Variants in NLGN1 observed in about 807,000 individuals in gnomAD.
The protein encoded by NLGN1 is neuroligin-1.
In NLGN1, 12 loss-of-function variants were observed where a neutral mutation model predicts 65.5. The observed-to-expected ratio is 0.18, with a 90% CI of 0.12 to 0.30. The LOEUF is 0.30. Ranked by LOEUF, NLGN1 falls within the 10% of genes least tolerant of loss-of-function variation. The pLI is 1.00. For missense variants in NLGN1, 750 were observed against 1,007.1 expected (o/e 0.74, Z 3.46); for synonymous variants, 350 against 359.5 (o/e 0.97, Z 0.30).
intron 4 of NLGN1, among the ~76,000 whole-genome samples, chr3:173,835,644 A>G (rs1723502828): frequency 6.6e-6 from 1 of 151,014 alleles, no homozygotes; most frequent in Non-Finnish European, 1.5e-5. Context: ...TTTATCTCCA[A>G]GAAGATTTAA....
At chr3:173,581,554 A>AT (rs1409499436) in intron 2 of NLGN1, among the ~76,000 whole-genome samples, 8 of 151,972 alleles carry the variant, frequency 5.3e-5, no homozygotes, top group Admixed American at 1.3e-4. Flanking sequence ...TTACATATAT[A>AT]TTTTTTTCAA....
chr3:173,712,259 A>G (rs1475999193), intron 3 of NLGN1, among the ~76,000 whole-genome samples: 1 of 152,150 alleles, frequency 6.6e-6, no homozygotes, highest in African/African-American at 2.4e-5. Context: ...GGATTTCCAG[A>G]TAAGGATACC....
At chr3:173,621,681 G>A (rs913594063) in intron 3 of NLGN1, among the ~76,000 whole-genome samples, 1 of 152,070 alleles carries the variant, frequency 6.6e-6, no homozygotes, top group African/African-American at 2.4e-5. Context: ...AAATTTGAGA[G>A]ACATTTCAAA....
intron 3 of NLGN1, among the ~76,000 whole-genome samples, chr3:173,776,843 T>C (rs1462099585): frequency 6.6e-6 from 1 of 151,976 alleles, no homozygotes; most frequent in African/African-American, 2.4e-5. Context: ...TGGAAAAGCA[T>C]GTTCAAGTAG....
chr3:173,464,374 T>C (rs556873795), intron 2 of NLGN1, among the ~76,000 whole-genome samples: 47 of 152,156 alleles, frequency 3.1e-4, no homozygotes, highest in African/African-American at 1.1e-3. Flanking sequence ...TCTTAATATT[T>C]ACCACTATTT....
At chr3:174,147,104 C>T (rs761014982) in intron 4 of NLGN1, among the ~76,000 whole-genome samples, 23 of 152,100 alleles carry the variant, frequency 1.5e-4, no homozygotes, top group Non-Finnish European at 2.9e-4. Context: ...ATTGGCCTCC[C>T]CCGTCATCCC....
Position 173,972,234 on chromosome 3 carries a change from C to G in NLGN1, c.646+164402C>G, listed in dbSNP as rs556929951. Among the ~76,000 whole-genome samples the G allele has an allele frequency of 1.8e-4, 27 of 152,172 alleles. 1 individual carries two copies. In the Middle Eastern group the frequency reaches 0.014, roughly 77 times the overall value. Reference sequence around the variant, plus strand: ...AGGCAGGAAACCTGCCTGCCTGCAGCGGGAGAAGCTTCAGCTTGGAGAAGA... The same window carrying G: ...AGGCAGGAAACCTGCCTGCCTGCAGGGGGAGAAGCTTCAGCTTGGAGAAGA... On this transcript the variant is annotated intron_variant, in intron 4 of 6. Coordinates refer to ENST00000457714, the Ensembl canonical transcript of NLGN1.
At chr3:173,924,987 G>A (rs1046760246) in intron 4 of NLGN1, among the ~76,000 whole-genome samples, 5 of 151,870 alleles carry the variant, frequency 3.3e-5, no homozygotes, top group African/African-American at 1.2e-4. Flanking sequence ...TGAGTTTTTT[G>A]GTTTTGCCTA....
At chr3:173,546,689 C>A (rs1739906733) in intron 2 of NLGN1, among the ~76,000 whole-genome samples, 1 of 152,090 alleles carries the variant, frequency 6.6e-6, no homozygotes, top group South Asian at 2.1e-4. Flanking sequence ...GGCAGCTGGG[C>A]TGCGCTATTA....
chr3:174,260,323 T>C (rs1746641855), intron 4 of NLGN1, among the ~76,000 whole-genome samples: 1 of 149,146 alleles, frequency 6.7e-6, no homozygotes, highest in African/African-American at 2.5e-5. Flanking sequence ...TGTTCCTATT[T>C]CTCCACATCC....
chr3:173,472,851 AG>A (rs2148933352), intron 2 of NLGN1, among the ~76,000 whole-genome samples: 1 of 152,230 alleles, frequency 6.6e-6, no homozygotes, highest in Non-Finnish European at 1.5e-5. Context: ...CTCAACCCTG[AG>A]TGTTTGACCC....
At chr3:173,830,996 G>C (rs1016352830) in intron 4 of NLGN1, among the ~76,000 whole-genome samples, 1 of 152,110 alleles carries the variant, frequency 6.6e-6, no homozygotes, top group South Asian at 2.1e-4. Flanking sequence ...TAGGGAGATC[G>C]CTTCAGATTT....
chr3:173,845,006 G>A (rs956810986), intron 4 of NLGN1, among the ~76,000 whole-genome samples: 1 of 152,192 alleles, frequency 6.6e-6, no homozygotes, highest in Admixed American at 6.5e-5. Flanking sequence ...AGTATCTCTA[G>A]GGAGGAAATT....
intron 2 of NLGN1, among the ~76,000 whole-genome samples, chr3:173,523,451 C>G (rs1460148002): frequency 3.3e-5 from 5 of 151,570 alleles, no homozygotes; most frequent in African/African-American, 1.2e-4. Flanking sequence ...AGATAAGGAT[C>G]CAATTTTATT....
At chr3:174,146,812 C>T (rs1723369097) in intron 4 of NLGN1, among the ~76,000 whole-genome samples, 1 of 152,136 alleles carries the variant, frequency 6.6e-6, no homozygotes, top group African/African-American at 2.4e-5. Context: ...AGGGCATCCA[C>T]CCGCCTCTGC....
intron 4 of NLGN1, among the ~76,000 whole-genome samples, chr3:174,201,761 T>C (rs1161049958): frequency 6.6e-6 from 1 of 152,210 alleles, no homozygotes; most frequent in Non-Finnish European, 1.5e-5. Flanking sequence ...TGTGTCTAGA[T>C]AAGGAAACCT....
intron 4 of NLGN1, among the ~76,000 whole-genome samples, chr3:174,255,911 G>A (rs141022611): frequency 3.0e-4 from 45 of 152,036 alleles, no homozygotes; most frequent in Non-Finnish European, 4.6e-4. Flanking sequence ...CGCCCACCTC[G>A]CCCTCCCCAA....
intron 2 of NLGN1, among the ~76,000 whole-genome samples, chr3:173,576,368 T>C (rs1016696749): frequency 2.9e-4 from 44 of 152,312 alleles, no homozygotes; most frequent in Middle Eastern, 3.4e-3. Context: ...ATTTAATGGC[T>C]AAAAACAACA....
At chr3:173,512,550 A>G (rs890852319) in intron 2 of NLGN1, among the ~76,000 whole-genome samples, 1 of 152,274 alleles carries the variant, frequency 6.6e-6, no homozygotes, top group African/African-American at 2.4e-5. Context: ...GGGGTCTTAT[A>G]GGCACAGGAT....
Sources: allele counts gnomAD v4.1 joint callset (sites outside exome capture counted in the v4.1 genomes callset), GRCh38; gene constraint gnomAD v4.1.1; transcripts MANE v1.5; gene names NCBI Gene and HGNC (gene_info 2026-07-23, HGNC 2026-07-21).